The following CD9 variants were observed in gnomAD, a reference collection of about 807,000 sequenced individuals.
The protein encoded by CD9 is CD9 antigen.
A neutral mutation model predicts 31.4 loss-of-function variants in CD9; 10 were observed. The ratio of observed to expected loss-of-function variants is 0.32; its 90% CI spans 0.20 to 0.54. CD9 has a LOEUF of 0.54. Ranked by LOEUF, CD9 falls within the 20% of genes least tolerant of loss-of-function variation. The pLI, the probability that CD9 is intolerant of heterozygous loss-of-function variation, is 0.94. For missense variants in CD9, 259 were observed against 300.1 expected, an observed-to-expected ratio of 0.86 and a Z score of 1.01; for synonymous variants, 113 against 114.1, an observed-to-expected ratio of 0.99 and a Z score of 0.06.
chr12:6,218,551 T>G lies in CD9; in HGVS notation c.67-6875T>G, dbSNP rs190056545. Among the ~76,000 whole-genome samples, 5 of 152,342 alleles carry G rather than the reference T, an allele frequency of 3.3e-5. No homozygotes were observed. In the East Asian group the frequency reaches 7.7e-4, roughly 23 times the overall value. On this transcript the variant is annotated intron_variant, in intron 1 of 7. Coordinates refer to ENST00000009180, the MANE Select transcript of CD9 (RefSeq NM_001769.4). ...AACCTCCCCAGGTTCTAACTGGAAC[T>G]GGTTTTGCACACTTGGCATAGAGTC...
chr12:6,226,545 C>A (rs1220545142), intron 2 of CD9, among the ~76,000 whole-genome samples: 1 of 152,176 alleles, frequency 6.6e-6, no homozygotes, highest in Non-Finnish European at 1.5e-5. Context: ...GGCTGGCCAG[C>A]CACGTAGACC....
intron 1 of CD9, among the ~76,000 whole-genome samples, chr12:6,209,927 C>G (rs1047237660): frequency 6.6e-6 from 1 of 152,160 alleles, no homozygotes; most frequent in Non-Finnish European, 1.5e-5. Flanking sequence ...TCAGGTGATA[C>G]GCCCACCTCG....
chr12:6,223,292 C>G (rs564650301), intron 1 of CD9, among the ~76,000 whole-genome samples: 1 of 148,944 alleles, frequency 6.7e-6, no homozygotes, highest in South Asian at 2.1e-4. Context: ...GAGGGAGTCT[C>G]GCTCTGTCGC....
intron 1 of CD9, among the ~76,000 whole-genome samples, chr12:6,211,682 A>G: frequency 6.6e-6 from 1 of 152,332 alleles, no homozygotes; most frequent in East Asian, 1.9e-4. Flanking sequence ...AATGTGTGGT[A>G]TTCTGGAATT....
intron 1 of CD9, among the ~76,000 whole-genome samples, chr12:6,216,741 T>C (rs1946246909): frequency 6.6e-6 from 1 of 152,146 alleles, no homozygotes; most frequent in African/African-American, 2.4e-5. Context: ...TCACACAGAC[T>C]CCCACACAAA....
chr12:6,220,766 G>A (rs1036996925), intron 1 of CD9, among the ~76,000 whole-genome samples: 7 of 152,198 alleles, frequency 4.6e-5, no homozygotes, highest in African/African-American at 1.7e-4. Context: ...AAAAGTTGCA[G>A]AGATAGTGTA....
intron 2 of CD9, among the ~76,000 whole-genome samples, chr12:6,226,617 G>A (rs750613056): frequency 2.6e-5 from 4 of 152,120 alleles, no homozygotes; most frequent in South Asian, 2.1e-4. Context: ...CTTTGGTTGC[G>A]TAACATTTGA....
chr12:6,236,398 G>A (rs764040563), intron 7 of CD9, 123 bp downstream of exon 7: 5 of 813,526 alleles, frequency 6.1e-6, no homozygotes, highest in African/African-American at 1.7e-5. Flanking sequence ...CGTGCCCTTA[G>A]TATTTCCATT....
intron 2 of CD9, among the ~76,000 whole-genome samples, chr12:6,231,425 C>T (rs931749812): frequency 6.6e-6 from 1 of 152,146 alleles, no homozygotes; most frequent in Non-Finnish European, 1.5e-5. Context: ...GTGACAGTAG[C>T]CTCTCCCAAG....
chr12:6,225,955 C>G (rs1024420037), intron 2 of CD9, among the ~76,000 whole-genome samples: 5 of 152,196 alleles, frequency 3.3e-5, no homozygotes, highest in Admixed American at 6.5e-5. Context: ...TTCCTCTTCA[C>G]TGTTCAGATA....
chr12:6,201,455 C>T (rs1946076441), intron 1 of CD9, among the ~76,000 whole-genome samples: 3 of 152,332 alleles, frequency 2.0e-5, no homozygotes, highest in Admixed American at 1.3e-4. Context: ...CCAGCCCAGG[C>T]GGCCCACCCA....
intron 1 of CD9, among the ~76,000 whole-genome samples, chr12:6,206,712 A>G (rs1406008888): frequency 1.3e-5 from 2 of 152,066 alleles, no homozygotes; most frequent in East Asian, 3.9e-4. Context: ...AATTGTATCT[A>G]TCTGGTAATT....
Position 6,221,413 on chromosome 12 carries a change from G to A in CD9, c.67-4013G>A, listed in dbSNP as rs534521067. ...CTCTCTCCAGAGCCCTGGGAACAGG[G>A]CACTGTCTCATTCAGCATCCGCATC... On this transcript the variant is annotated intron_variant, in intron 1 of 7. Transcript: ENST00000009180. Among the ~76,000 whole-genome samples, 7 of 152,284 alleles carry A rather than the reference G, an allele frequency of 4.6e-5. No individual in the cohort carries two copies. The South Asian group carries it at 1.5e-3, about 32-fold the overall frequency.
At chr12:6,200,685 G>A (rs1946064945) in intron 1 of CD9, 120 bp downstream of exon 1, 2 of 625,598 alleles carry the variant, frequency 3.2e-6, no homozygotes, top group African/African-American at 1.9e-5. Context: ...GGCACCGGGC[G>A]GGAAGAGAGA....
chr12:6,227,867 G>A (rs982107301), intron 2 of CD9, among the ~76,000 whole-genome samples: 2 of 152,198 alleles, frequency 1.3e-5, no homozygotes, highest in South Asian at 2.1e-4. Context: ...AAACCCCTGC[G>A]TCGGTGGCCC....
chr12:6,227,046 C>T (rs1367874516), intron 2 of CD9, among the ~76,000 whole-genome samples: 2 of 152,202 alleles, frequency 1.3e-5, no homozygotes, highest in Non-Finnish European at 2.9e-5. Flanking sequence ...TCAGTCCTCC[C>T]TTGTCCTGGC....
intron 1 of CD9, among the ~76,000 whole-genome samples, chr12:6,223,510 C>T (rs933378674): frequency 6.6e-6 from 1 of 152,160 alleles, no homozygotes; most frequent in Non-Finnish European, 1.5e-5. Flanking sequence ...ATCCACCCGC[C>T]TCAGCCTTCC....
In CD9 at chr12:6,200,575, C is replaced by A; in HGVS notation, c.66+10C>A. 1 of 1,590,470 alleles carries A rather than the reference C, an allele frequency of 6.3e-7. No individual in the cohort carries two copies. The highest frequency in any genetic ancestry group is 8.6e-7 in the Non-Finnish European group (1 of 1,160,030). On this transcript the variant is annotated intron_variant, in intron 1 of 7. Transcript: ENST00000009180. ...TAACTTCATCTTCTGGGTGAGTGAG[C>A]GCGACTGCCGCGCGCTCCTCTCAGG... is the stretch of plus-strand genomic sequence containing the variant.
Position 6,200,430 on chromosome 12 carries a change from CCCGCCAGTCCCAG to C in CD9, c.-68_-56del. On this transcript the variant is annotated 5_prime_UTR_variant, in exon 1 of 8. Coordinates refer to ENST00000009180, the MANE Select transcript of CD9 (RefSeq NM_001769.4). ...CCTGCATCTGTATCCAGCGCCAGGT[CCCGCCAGTCCCAG>C]CTGCGCGCGCCCCCCAGTCCCGCAC... 1.0e-6 allele frequency: 1 copy of C among 1,003,206 alleles called. No homozygotes were observed. Among genetic ancestry groups the C allele is most frequent in the Non-Finnish European group, 1.6e-6 (1 of 628,924 alleles). The allele number at this position is 1,003,206 out of a possible 1,614,324, so 62.1% of individuals were successfully genotyped here.
Sources: gnomAD v4.1 joint callset for allele counts (sites outside exome capture counted in the v4.1 genomes callset) on GRCh38, gnomAD v4.1.1 for gene constraint, MANE v1.5 for transcripts, NCBI Gene and HGNC (gene_info 2026-07-23, HGNC 2026-07-21) for gene names.